CD83: variants seen among roughly 807,000 people sequenced by gnomAD.
CD83 encodes the protein CD83 antigen.
Under a neutral mutation model 24.6 loss-of-function variants are expected in CD83, and 22 were observed. The observed-to-expected ratio is 0.90, with a 90% CI of 0.64 to 1.28. The LOEUF is 1.28. CD83 is among the 50% of genes most tolerant of loss of function. CD83 has a pLI of 0.00. For missense variants in CD83, 253 were observed against 252.8 expected (o/e 1.00, Z -0.01); for synonymous variants, 101 against 103.5 (o/e 0.98, Z 0.14).
At chr6:14,134,923 G>A (rs2113407347) in intron 4 of CD83, among the ~76,000 whole-genome samples, 185 bp from the exon 5 acceptor site, 1 of 152,288 alleles carries the variant, frequency 6.6e-6, no homozygotes, top group African/African-American at 2.4e-5. Flanking sequence ...GAATCTCCTG[G>A]TCCAAGTTTA....
At position 14,136,078 on chromosome 6, in the gene CD83, C is replaced by T. The variant is rs1050648; in HGVS notation, c.*842C>T. 0.05 allele frequency: 7,605 copies of T among 152,298 alleles called. 259 individuals carry two copies. The highest frequency in any genetic ancestry group is 0.072 in the Non-Finnish European group (4,926 of 68,060). 9.4% of individuals were successfully genotyped at this position (152,298 alleles called of 1,614,324 possible). The stretch of plus-strand genomic sequence containing the variant: ...GCTGACGGTGCAGTCTGGGTGCTCG[C>T]CCACTTGTCCCACTATCTGGGTGCA... On this transcript the variant is annotated 3_prime_UTR_variant, in exon 5 of 5. Transcript: ENST00000379153.
At chr6:14,120,368 TG>T (rs1263136110) in intron 2 of CD83, among the ~76,000 whole-genome samples, 29 of 152,302 alleles carry the variant, frequency 1.9e-4, no homozygotes, top group African/African-American at 6.3e-4. Context: ...ACAAGGCCAG[TG>T]GTGAAATGCC....
chr6:14,124,839 A>C (rs1759748093), intron 2 of CD83, among the ~76,000 whole-genome samples: 1 of 152,258 alleles, frequency 6.6e-6, no homozygotes, highest in East Asian at 1.9e-4. Flanking sequence ...CTAATTTCTG[A>C]TGCTTGTGAT....
At chr6:14,117,751 G>C (rs954161700), upstream of CD83, 1 of 1,304,058 alleles carries the variant, frequency 7.7e-7, no homozygotes, top group African/African-American at 1.6e-5. The surrounding 1 kb of genome is among the most constrained non-coding windows in gnomAD (Gnocchi z 4.6). Context: ...GGCATAAAAG[G>C]GCAGCCGGCG....
intron 4 of CD83, 95 bp downstream of exon 4, chr6:14,133,850 G>A (rs1757982594): frequency 2.5e-6 from 2 of 812,588 alleles, no homozygotes; most frequent in Admixed American, 4.8e-5. Context: ...ATTTAATAAT[G>A]GTGAGAGAGA....
Position 14,131,678 on chromosome 6 carries a change from A to T in CD83, c.312A>T (p.Thr104=), listed in dbSNP as rs1369672883. Residue 104 remains threonine, a synonymous_variant, in exon 3 of 5, where the codon ACA becomes ACT. Transcript: ENST00000379153. ...ACACTACCAGCTGCAACTCGGGGAC[A>T]TACAGGTGCACTCTGCAGGACCCGG... is the stretch of plus-strand genomic sequence containing the variant. The part of the protein sequence containing the change: ...IRNTTSCNSG[T]YRCTLQDPDG... The T allele has an allele frequency of 1.9e-6, 3 of 1,614,210 alleles. No homozygotes were observed. The East Asian group carries it at 6.7e-5, about 36-fold the overall frequency.
chr6:14,131,074 G>T (rs1757885636), intron 2 of CD83, among the ~76,000 whole-genome samples: 1 of 152,224 alleles, frequency 6.6e-6, no homozygotes, highest in East Asian at 1.9e-4. Flanking sequence ...GATCATAACA[G>T]ATTTAGGAAT....
intron 4 of CD83, among the ~76,000 whole-genome samples, 157 bp downstream of exon 4, chr6:14,133,912 A>G (rs1436304025): frequency 6.6e-6 from 1 of 152,218 alleles, no homozygotes; most frequent in Non-Finnish European, 1.5e-5. Context: ...GAGAATCATT[A>G]CAGGAAGCTC....
At chr6:14,118,343 A>T (rs1759592038) in intron 2 of CD83, among the ~76,000 whole-genome samples, 1 of 8,104 alleles carries the variant, frequency 1.2e-4, no homozygotes, top group Admixed American at 1.5e-3. Context: ...ATGTTTTGGA[A>T]GGGCAGAGAC....
chr6:14,119,213 C>T (rs748410778), intron 2 of CD83, among the ~76,000 whole-genome samples: 20 of 152,144 alleles, frequency 1.3e-4, no homozygotes, highest in Non-Finnish European at 2.6e-4. Context: ...GAATTCAGCC[C>T]AGCACTTCAT....
chr6:14,125,660 G>C (rs2113393126), intron 2 of CD83, among the ~76,000 whole-genome samples: 1 of 152,260 alleles, frequency 6.6e-6, no homozygotes, highest in South Asian at 2.1e-4. Context: ...AGCTTGTAAT[G>C]GTACCTCTTC....
intron 2 of CD83, 22 bp from the exon 3 acceptor site, chr6:14,131,498 C>T (rs535504974): frequency 3.2e-5 from 51 of 1,571,162 alleles, no homozygotes; most frequent in Middle Eastern, 3.3e-4. Context: ...GACCGTGATG[C>T]GCTCTGATTC....
At position 14,130,392 on chromosome 6, in the gene CD83, A is replaced by G. The variant is rs183296967; in HGVS notation, c.154-1128A>G. 3.9e-5 allele frequency among the ~76,000 whole-genome samples: 6 copies of G among 152,340 alleles called. No homozygotes were observed. In the East Asian group the frequency reaches 9.6e-4, roughly 24 times the overall value. On this transcript the variant is annotated intron_variant, in intron 2 of 4. Transcript: ENST00000379153. ...GTATGAGCCTAATCTATGCAGTGGG[A>G]GATGCTGTGGACACTCCACCAGTTT...
chr6:14,135,977 T>A lies in CD83; in HGVS notation c.*741T>A, dbSNP rs1261980022. 2.0e-5 allele frequency: 3 copies of A among 152,224 alleles called. No homozygotes were observed. Among genetic ancestry groups the A allele is most frequent in the African/African-American group, 7.2e-5 (3 of 41,452 alleles). The allele number at this position is 152,224 out of a possible 1,614,324, so 9.4% of individuals were successfully genotyped here. A position where few individuals can be genotyped will look rare whatever the true frequency, so the allele number is the denominator to read the frequency against. ...TAGCATTGTGAACTGACAGGCAGCC[T>A]GGACATAGAGAGGGAGAAGAAGTCA... On this transcript the variant is annotated 3_prime_UTR_variant, in exon 5 of 5. Transcript: ENST00000379153.
rs775386696 is a variant in CD83, at chr6:14,135,161, A to G, written c.543A>G (p.Glu181=). Residue 181 remains glutamate, a synonymous_variant, in exon 5 of 5, where the codon GAA becomes GAG. Transcript: ENST00000379153. ...IFPDFSKAGM[E]RAFLPVTSPN... ...CAGATTTTTCTAAAGCTGGCATGGA[A>G]CGAGCTTTTCTCCCAGTTACCTCCC... The G allele has an allele frequency of 1.2e-6, 2 of 1,613,958 alleles. No individual in the cohort carries two copies. Among genetic ancestry groups the G allele is most frequent in the South Asian group, 1.1e-5 (1 of 91,076 alleles).
intron 3 of CD83, among the ~76,000 whole-genome samples, chr6:14,132,683 G>A (rs1757943253): frequency 6.7e-6 from 1 of 148,828 alleles, no homozygotes; most frequent in African/African-American, 2.5e-5. Context: ...ATACATATTA[G>A]GGACCATGAG....
Position 14,127,092 on chromosome 6 carries a change from G to A in CD83, c.154-4428G>A, listed in dbSNP as rs148701898. Among the ~76,000 whole-genome samples, 21 of 152,028 alleles carry A rather than the reference G, an allele frequency of 1.4e-4. No individual in the cohort carries two copies. The East Asian group carries it at 2.5e-3, about 18-fold the overall frequency. ...CAACCTTCGCCTCCTGGGTTCAAGC[G>A]ATTCTCCTGCCTCAGCCTCCCAAGT... On this transcript the variant is annotated intron_variant, in intron 2 of 4. Coordinates refer to ENST00000379153, the MANE Select transcript of CD83 (RefSeq NM_004233.4).
Position 14,129,305 on chromosome 6 carries a change from C to G in CD83, c.154-2215C>G, listed in dbSNP as rs898182993. On this transcript the variant is annotated intron_variant, in intron 2 of 4. Transcript: ENST00000379153. This position sits in a 1 kb window ranked among gnomAD's most constrained non-coding sequence, Gnocchi z 4.3. ...CCCTGGATGGGCCTCGGTCTCTGGT[C>G]TCTTGAAAGCCCTTGCCTGGTAGGA... 1.3e-5 allele frequency among the ~76,000 whole-genome samples: 2 copies of G among 152,218 alleles called. No individual in the cohort carries two copies. The highest frequency in any genetic ancestry group is 4.8e-5 in the African/African-American group (2 of 41,454).
At chr6:14,132,276 T>C (rs747726578) in intron 3 of CD83, among the ~76,000 whole-genome samples, 6 of 152,192 alleles carry the variant, frequency 3.9e-5, no homozygotes, top group Non-Finnish European at 7.3e-5. Context: ...AACCTCTGCG[T>C]TTTCTTCTCT....
Sources: allele counts gnomAD v4.1 joint callset (sites outside exome capture counted in the v4.1 genomes callset), GRCh38; gene constraint gnomAD v4.1.1; non-coding constraint Gnocchi (gnomAD v3.1); transcripts MANE v1.5; gene names NCBI Gene and HGNC (gene_info 2026-07-23, HGNC 2026-07-21).